SLC5A10: variants seen among roughly 807,000 people sequenced by gnomAD.
SLC5A10 encodes sodium/mannose cotransporter SLC5A10.
SLC5A10 carries 55 observed loss-of-function variants against 68.9 expected under a neutral mutation model. That is an observed-to-expected ratio of 0.80 (90% CI 0.64 to 1.00). SLC5A10 has a LOEUF of 1.00. SLC5A10 is among the 50% of genes least tolerant of loss of function. SLC5A10 has a pLI of 0.00. For missense variants in SLC5A10, 732 were observed against 819.3 expected (o/e 0.89, Z 1.30); for synonymous variants, 344 against 344.8 (o/e 1.00, Z 0.02).
intron 11 of SLC5A10, among the ~76,000 whole-genome samples, chr17:19,016,805 C>T (rs902579024): frequency 6.6e-6 from 1 of 152,172 alleles, no homozygotes; most frequent in African/African-American, 2.4e-5. Flanking sequence ...CTGGGGAAGA[C>T]CCTGCCCCTC....
chr17:18,991,217 G>C (rs955363735), intron 9 of SLC5A10, among the ~76,000 whole-genome samples: 4 of 152,174 alleles, frequency 2.6e-5, no homozygotes, highest in Non-Finnish European at 5.9e-5. Flanking sequence ...AGCCCAGGAC[G>C]GGGCCTGGTT....
chr17:18,971,775 G>A lies in SLC5A10; in HGVS notation c.846+557G>A. On this transcript the variant is annotated intron_variant, in intron 8 of 14. Coordinates refer to ENST00000395645, the MANE Select transcript of SLC5A10 (RefSeq NM_001042450.4). The surrounding 1 kb of genome is among the most constrained non-coding windows in gnomAD (Gnocchi z 5.5). ...TGGGAGAGAGAGAGCAGAGAGTGAG[G>A]CTGAGCAAGAAGGGCCAACCCCGCC... is the stretch of plus-strand genomic sequence containing the variant. The A allele has an allele frequency of 3.9e-6, 6 of 1,531,660 alleles. No homozygotes were observed. Among genetic ancestry groups the A allele is most frequent in the Non-Finnish European group, 5.3e-6 (6 of 1,138,826 alleles). The allele number at this position is 1,531,660 out of a possible 1,614,324, so 94.9% of individuals were successfully genotyped here.
At position 19,019,652 on chromosome 17, in the gene SLC5A10, T is replaced by C. The variant is rs1247063567; in HGVS notation, c.1410+61T>C. Reference sequence around the variant, plus strand: ...CCACAATTTGCTCTTCCCTGCTGCCTGTGGGGGGAGCCTTGGTCCTCCTCC... The same window carrying C: ...CCACAATTTGCTCTTCCCTGCTGCCCGTGGGGGGAGCCTTGGTCCTCCTCC... On this transcript the variant is annotated intron_variant, in intron 12 of 14. Coordinates refer to ENST00000395645, the MANE Select transcript of SLC5A10 (RefSeq NM_001042450.4). 5.6e-6 allele frequency: 9 copies of C among 1,602,766 alleles called. No homozygotes were observed. The South Asian group carries it at 9.9e-5, about 18-fold the overall frequency.
At chr17:19,013,072 G>C (rs1446810878) in intron 9 of SLC5A10, among the ~76,000 whole-genome samples, 1 of 152,226 alleles carries the variant, frequency 6.6e-6, no homozygotes, top group African/African-American at 2.4e-5. Context: ...CCCCTTTGGG[G>C]AGAATGGCTG....
Position 19,003,408 on chromosome 17 carries a change from G to T in SLC5A10, c.983-10002G>T. On this transcript the variant is annotated intron_variant, in intron 9 of 14. Transcript: ENST00000395645. This position sits in a 1 kb window ranked among gnomAD's most constrained non-coding sequence, Gnocchi z 4.5. ...AGAGGCAGCCAGGGAAAACAGCAGA[G>T]ATCCCTAGAAGCCCATGTTGGGCTC... 1 of 1,164,374 alleles carries T rather than the reference G, an allele frequency of 8.6e-7. No individual in the cohort carries two copies. Among genetic ancestry groups the T allele is most frequent in the Non-Finnish European group, 1.1e-6 (1 of 877,924 alleles). 72.1% of individuals were successfully genotyped at this position (1,164,374 alleles called of 1,614,324 possible). A position where few individuals can be genotyped will look rare whatever the true frequency, so the allele number is the denominator to read the frequency against.
intron 2 of SLC5A10, 140 bp from the exon 3 acceptor site, chr17:18,958,995 C>A: frequency 1.2e-6 from 1 of 842,886 alleles, no homozygotes; most frequent in African/African-American, 1.7e-5. Flanking sequence ...ATGGGTAGAA[C>A]ACACACCCTG....
chr17:18,995,848 C>G (rs933356889), intron 9 of SLC5A10, among the ~76,000 whole-genome samples: 4 of 151,000 alleles, frequency 2.6e-5, no homozygotes, highest in Non-Finnish European at 5.9e-5. Context: ...GTGGAGTTTG[C>G]AGTGAGCCAA....
In SLC5A10 at chr17:19,020,549, G is replaced by A. The variant is rs192961679; in HGVS notation, c.*118G>A. On this transcript the variant is annotated 3_prime_UTR_variant, in exon 15 of 15. Transcript: ENST00000395645. Reference sequence around the variant, plus strand: ...TCCCCTCACAGCTGCACAGCAGCTCGGTGCCCAAGAACTGGCCAAGCCAGC... The same window carrying A: ...TCCCCTCACAGCTGCACAGCAGCTCAGTGCCCAAGAACTGGCCAAGCCAGC... 331 of 951,164 alleles carry A rather than the reference G, an allele frequency of 3.5e-4. 1 individual carries two copies. In the African/African-American group the frequency reaches 4.8e-3, roughly 14 times the overall value. 58.9% of individuals were successfully genotyped at this position (951,164 alleles called of 1,614,324 possible).
chr17:19,019,208 G>A, intron 11 of SLC5A10: 1 of 587,706 alleles, frequency 1.7e-6, no homozygotes, highest in East Asian at 2.9e-5. Context: ...CTTAGAGTCA[G>A]GAGCTGCACC....
At chr17:18,969,709 C>A in intron 7 of SLC5A10, 1 of 386,178 alleles carries the variant, frequency 2.6e-6, no homozygotes, top group Non-Finnish European at 4.6e-6. Flanking sequence ...CCCGCATTGG[C>A]TCAGCGCTTG....
chr17:18,978,272 C>T, intron 9 of SLC5A10: 1 of 1,609,572 alleles, frequency 6.2e-7, no homozygotes, highest in Non-Finnish European at 8.5e-7. Flanking sequence ...GCTGTCCTGG[C>T]TCTGCTTCCA....
At position 18,971,742 on chromosome 17, in the gene SLC5A10, G is replaced by T; in HGVS notation, c.846+524G>T. 6.4e-7 allele frequency: 1 copy of T among 1,563,352 alleles called. No individual in the cohort carries two copies. Among genetic ancestry groups the T allele is most frequent in the Non-Finnish European group, 8.7e-7 (1 of 1,152,726 alleles). On this transcript the variant is annotated intron_variant, in intron 8 of 14. Coordinates refer to ENST00000395645, the MANE Select transcript of SLC5A10 (RefSeq NM_001042450.4). This position sits in a 1 kb window ranked among gnomAD's most constrained non-coding sequence, Gnocchi z 5.5. ...GCAGGGACCCTGTGATGATGAAACT[G>T]CTGGCCCTGGGAGAGAGAGAGCAGA...
chr17:18,991,645 A>G lies in SLC5A10; in HGVS notation c.982+14656A>G, dbSNP rs188663536. ...GGCAGGAACCAGCCATGTCCATGTGAGCAGCTGGCACAGGGGCAGGCATGG... is the reference window on the plus strand; with the variant it reads ...GGCAGGAACCAGCCATGTCCATGTGGGCAGCTGGCACAGGGGCAGGCATGG... On this transcript the variant is annotated intron_variant, in intron 9 of 14. Transcript: ENST00000395645. Among the ~76,000 whole-genome samples the G allele has an allele frequency of 4.8e-4, 73 of 152,300 alleles. 1 individual carries two copies. In the East Asian group the frequency reaches 0.012, roughly 25 times the overall value.
chr17:19,021,996 A>G lies in SLC5A10; in HGVS notation c.*1565A>G. 1 of 1,587,414 alleles carries G rather than the reference A, an allele frequency of 6.3e-7. No individual in the cohort carries two copies. The highest frequency in any genetic ancestry group is 8.6e-7 in the Non-Finnish European group (1 of 1,168,142). ...GGGCTGCACGTAACTCCGTGGGAAG[A>G]AGCCAACGCGCCCGCAGGACCGGCC... is the stretch of plus-strand genomic sequence containing the variant. On this transcript the variant is annotated 3_prime_UTR_variant, in exon 15 of 15. Transcript: ENST00000395645. This position sits in a 1 kb window ranked among gnomAD's most constrained non-coding sequence, Gnocchi z 4.1.
intron 9 of SLC5A10, among the ~76,000 whole-genome samples, chr17:19,012,582 T>G (rs2044038186): frequency 6.6e-6 from 1 of 151,368 alleles, no homozygotes. Flanking sequence ...GAGAATGGGG[T>G]GGGAAGGACA....
intron 9 of SLC5A10, among the ~76,000 whole-genome samples, chr17:18,991,030 T>C (rs1441679660): frequency 6.6e-6 from 1 of 152,164 alleles, no homozygotes; most frequent in African/African-American, 2.4e-5. Flanking sequence ...ATAAGGAGCC[T>C]TTACAGCTGT....
Position 19,021,569 on chromosome 17 carries a change from G to A in SLC5A10, c.*1138G>A. 2.7e-6 allele frequency: 1 copy of A among 364,048 alleles called. No individual in the cohort carries two copies. The highest frequency in any genetic ancestry group is 4.9e-6 in the Non-Finnish European group (1 of 203,882). 22.6% of individuals were successfully genotyped at this position (364,048 alleles called of 1,614,324 possible). ...AGGCCCAGTGGGTGGTCAGCCCAAG[G>A]TGAACCCACCCACCATGGCCAGGGT... On this transcript the variant is annotated 3_prime_UTR_variant, in exon 15 of 15. Transcript: ENST00000395645. The surrounding 1 kb of genome is among the most constrained non-coding windows in gnomAD (Gnocchi z 4.1).
intron 5 of SLC5A10, among the ~76,000 whole-genome samples, chr17:18,963,585 C>T (rs1238030471): frequency 6.6e-6 from 1 of 152,268 alleles, no homozygotes; most frequent in African/African-American, 2.4e-5. Flanking sequence ...TGCACGCGCC[C>T]AGGCGGTCCC....
chr17:18,964,183 G>A (rs542709663), intron 5 of SLC5A10, among the ~76,000 whole-genome samples: 5 of 152,264 alleles, frequency 3.3e-5, no homozygotes, highest in African/African-American at 9.6e-5. Context: ...TGTGTGCTCC[G>A]TTGGTTCCCT....
Sources: gnomAD v4.1 joint callset for allele counts (sites outside exome capture counted in the v4.1 genomes callset) on GRCh38, gnomAD v4.1.1 for gene constraint, Gnocchi (gnomAD v3.1) non-coding constraint, MANE v1.5 for transcripts, NCBI Gene and HGNC (gene_info 2026-07-23, HGNC 2026-07-21) for gene names.